IL1RAPL1: variants seen among roughly 807,000 people sequenced by gnomAD.
The protein encoded by IL1RAPL1 is interleukin-1 receptor accessory protein-like 1.
Under a neutral mutation model 48.4 loss-of-function variants are expected in IL1RAPL1, and 3 were observed. The observed-to-expected ratio is 0.06, with a 90% CI of 0.03 to 0.16. IL1RAPL1 has a LOEUF of 0.16. Among genes scored for constraint, IL1RAPL1 ranks in the 10% least tolerant of loss-of-function variants. IL1RAPL1 has a pLI of 1.00. For missense variants in IL1RAPL1, 349 were observed against 530.6 expected (o/e 0.66, Z 3.36); for synonymous variants, 185 against 187.7 (o/e 0.99, Z 0.12).
intron 6 of IL1RAPL1, among the ~76,000 whole-genome samples, chrX:29,696,915 A>G (rs1420771341): frequency 9.0e-6 from 1 of 111,278 alleles, no homozygotes; most frequent in Non-Finnish European, 1.9e-5. Context: ...CTGTCCTCAA[A>G]AACATAAAAT....
At chrX:28,681,487 G>A (rs1935058483) in intron 1 of IL1RAPL1, among the ~76,000 whole-genome samples, 1 of 111,397 alleles carries the variant, frequency 9.0e-6, no homozygotes, top group African/African-American at 3.3e-5. Context: ...GTAGAATGTT[G>A]TTTGTCAGGG....
intron 1 of IL1RAPL1, among the ~76,000 whole-genome samples, chrX:28,737,211 CTTTCTTTCTTTCTTTCTT>C (rs1935850135): frequency 2.0e-5 from 1 of 50,486 alleles, no homozygotes; most frequent in African/African-American, 6.9e-5. Context: ...CTTTCTCTTT[CTTTCTTTCTTTCTTTCTT>C]TCTTTCTTTC....
intron 2 of IL1RAPL1, among the ~76,000 whole-genome samples, chrX:28,801,904 G>C (rs1387805778): frequency 1.8e-5 from 2 of 111,582 alleles, no homozygotes; most frequent in African/African-American, 6.5e-5. Context: ...TCATCTTTTT[G>C]TTCCTTTCAC....
intron 6 of IL1RAPL1, among the ~76,000 whole-genome samples, chrX:29,732,760 T>C (rs1209240014): frequency 8.9e-5 from 10 of 111,976 alleles, no homozygotes; most frequent in African/African-American, 2.9e-4. Flanking sequence ...CCCAGGGCAG[T>C]TTTACTTCTC....
rs184064675 is a variant in IL1RAPL1 at position 29,013,379 on chromosome X, G to T, written c.82+223954G>T. 2.5e-3 allele frequency among the ~76,000 whole-genome samples: 282 copies of T among 111,587 alleles called. 2 individuals carry two copies. The highest frequency in any genetic ancestry group is 8.8e-3 in the African/African-American group (269 of 30,681). ...TGCATTACTGGGTATATATCCAAAA[G>T]AATATAAATCATCCTGTTATAAAGA... is the stretch of plus-strand genomic sequence containing the variant. On this transcript the variant is annotated intron_variant, in intron 2 of 10. Transcript: ENST00000378993.
chrX:28,595,678 G>C (rs759041199), intron 1 of IL1RAPL1, among the ~76,000 whole-genome samples: 1 of 112,121 alleles, frequency 8.9e-6, no homozygotes, highest in East Asian at 2.8e-4. Flanking sequence ...AAATACAGTG[G>C]TAAAAATGGA....
At chrX:29,668,960 T>C (rs982266112) in intron 6 of IL1RAPL1, among the ~76,000 whole-genome samples, 3 of 111,983 alleles carry the variant, frequency 2.7e-5, no homozygotes, top group Non-Finnish European at 5.6e-5. Context: ...AATATAAATT[T>C]TGCTAGTTAT....
chrX:29,520,697 A>G (rs760862473), intron 5 of IL1RAPL1, among the ~76,000 whole-genome samples: 2 of 111,591 alleles, frequency 1.8e-5, no homozygotes, highest in Non-Finnish European at 3.8e-5. Flanking sequence ...CTTGCTCCCA[A>G]ATAACAAAAG....
At chrX:28,623,734 T>C (rs1463874411) in intron 1 of IL1RAPL1, among the ~76,000 whole-genome samples, 1 of 111,893 alleles carries the variant, frequency 8.9e-6, no homozygotes, top group African/African-American at 3.3e-5. Flanking sequence ...AGAAGAGCAA[T>C]TGCAAAGTCC....
chrX:29,661,506 A>G (rs1237881094), intron 5 of IL1RAPL1, among the ~76,000 whole-genome samples: 5 of 112,376 alleles, frequency 4.4e-5, no homozygotes, highest in Admixed American at 9.4e-5. Context: ...AGCCTAAAAT[A>G]TGAAACTTTC....
At chrX:29,081,739 T>C (rs1160689546) in intron 2 of IL1RAPL1, among the ~76,000 whole-genome samples, 1 of 111,165 alleles carries the variant, frequency 9.0e-6, no homozygotes, top group Non-Finnish European at 1.9e-5. Context: ...GCATACGTAT[T>C]GAAAATATTA....
At chrX:29,766,661 T>TTAATATATAATATATAAATA (rs1928917909) in intron 6 of IL1RAPL1, among the ~76,000 whole-genome samples, 2 of 94,407 alleles carry the variant, frequency 2.1e-5, no homozygotes, top group African/African-American at 8.5e-5. Context: ...ATATTATATA[T>TTAATATATAATATATAAATA]TAATATATAA....
intron 5 of IL1RAPL1, among the ~76,000 whole-genome samples, chrX:29,499,095 T>G (rs1935245570): frequency 8.9e-6 from 1 of 112,270 alleles, no homozygotes; most frequent in African/African-American, 3.2e-5. Flanking sequence ...GTCTCAACAA[T>G]ATCATGCTTT....
chrX:28,634,343 G>A (rs749544194), intron 1 of IL1RAPL1, among the ~76,000 whole-genome samples: 71 of 109,123 alleles, frequency 6.5e-4, no homozygotes, highest in African/African-American at 2.2e-3. Flanking sequence ...GTGTGTGTGT[G>A]TGTATATGTA....
At chrX:29,303,842 C>G (rs1932575472) in intron 3 of IL1RAPL1, among the ~76,000 whole-genome samples, 2 of 112,103 alleles carry the variant, frequency 1.8e-5, no homozygotes, top group African/African-American at 6.5e-5. Flanking sequence ...AATATCTGTA[C>G]TTCATACTTA....
At chrX:29,640,551 A>G (rs1410698034) in intron 5 of IL1RAPL1, among the ~76,000 whole-genome samples, 1 of 111,763 alleles carries the variant, frequency 8.9e-6, no homozygotes, top group Admixed American at 9.4e-5. Flanking sequence ...ATATGACCCA[A>G]CTTATCATCC....
intron 5 of IL1RAPL1, among the ~76,000 whole-genome samples, chrX:29,409,767 G>A (rs1483424265): frequency 1.9e-5 from 2 of 107,849 alleles, no homozygotes; most frequent in African/African-American, 6.7e-5. Context: ...TTAATAATTA[G>A]AATAGTTAAC....
At chrX:29,076,064 A>C (rs1927663335) in intron 2 of IL1RAPL1, among the ~76,000 whole-genome samples, 1 of 111,933 alleles carries the variant, frequency 8.9e-6, no homozygotes, top group Admixed American at 9.4e-5. Flanking sequence ...AAAGTGCCTA[A>C]TAAGACTAAA....
intron 6 of IL1RAPL1, among the ~76,000 whole-genome samples, chrX:29,740,194 A>AT (rs1928166361): frequency 9.1e-6 from 1 of 109,548 alleles, no homozygotes; most frequent in African/African-American, 3.3e-5. Flanking sequence ...TTCCTGTCCC[A>AT]TTTTTCTGCA....
Sources: gnomAD v4.1 joint callset for allele counts (sites outside exome capture counted in the v4.1 genomes callset) on GRCh38, gnomAD v4.1.1 for gene constraint, MANE v1.5 for transcripts, NCBI Gene and HGNC (gene_info 2026-07-23, HGNC 2026-07-21) for gene names.